ADORA1: variants seen among roughly 807,000 people sequenced by gnomAD.
ADORA1 encodes adenosine receptor A1.
ADORA1 carries 6 observed loss-of-function variants against 19.9 expected under a neutral mutation model. The ratio of observed to expected loss-of-function variants is 0.30; its 90% CI spans 0.17 to 0.59. The LOEUF (loss-of-function observed/expected upper bound fraction) is 0.59. ADORA1 is among the 20% of genes least tolerant of loss of function. The probability of loss-of-function intolerance (pLI) is 0.87; values close to 1 mark genes in which losing one functional copy is unlikely to be tolerated. For synonymous variants in ADORA1, 194 were observed against 188.4 expected (o/e 1.03, Z -0.24); for missense variants, 302 against 439.2 (o/e 0.69, Z 2.79).
At chr1:203,134,389 T>C (rs1654438524) in intron 3 of ADORA1, among the ~76,000 whole-genome samples, 1 of 152,206 alleles carries the variant, frequency 6.6e-6, no homozygotes, top group South Asian at 2.1e-4. Context: ...ATTGAGAAGA[T>C]AATTTCTCTG....
intron 3 of ADORA1, among the ~76,000 whole-genome samples, chr1:203,158,005 T>C (rs1243442928): frequency 6.6e-6 from 1 of 152,250 alleles, no homozygotes; most frequent in Admixed American, 6.5e-5. Flanking sequence ...CTGGCTTCCT[T>C]CTATCCATAT....
chr1:203,147,334 G>A (rs1170698154), intron 3 of ADORA1, among the ~76,000 whole-genome samples: 3 of 152,152 alleles, frequency 2.0e-5, no homozygotes, highest in African/African-American at 4.8e-5. Context: ...TCGTATCGGG[G>A]GAGGTGGCTA....
intron 3 of ADORA1, among the ~76,000 whole-genome samples, chr1:203,154,068 C>A (rs376138774): frequency 6.6e-6 from 1 of 152,312 alleles, no homozygotes; most frequent in East Asian, 1.9e-4. Context: ...CCTCCACCTC[C>A]CTGCTCCCAT....
intron 3 of ADORA1, among the ~76,000 whole-genome samples, chr1:203,161,543 G>A (rs17465037): frequency 0.28 from 42,692 of 151,586 alleles, 7,585 homozygotes; most frequent in Non-Finnish European, 0.4. Context: ...GATTCTGGAG[G>A]TGGGGCTCTC....
Position 203,165,217 on chromosome 1 carries a change from C to T in ADORA1, c.342-44C>T. On this transcript the variant is annotated intron_variant, in intron 3 of 3. Transcript: ENST00000337894. The surrounding 1 kb of genome is among the most constrained non-coding windows in gnomAD (Gnocchi z 5.9). ...CGTGCCTCAGAGGGGCCTTTCGAGG[C>T]AGCTGGGAGGCAGATCCTCACACTC... 1 of 1,599,302 alleles carries T rather than the reference C, an allele frequency of 6.3e-7. No individual in the cohort carries two copies. Among genetic ancestry groups the T allele is most frequent in the South Asian group, 1.1e-5 (1 of 89,338 alleles).
intron 3 of ADORA1, among the ~76,000 whole-genome samples, chr1:203,157,706 C>T (rs1655239270): frequency 6.6e-6 from 1 of 152,236 alleles, no homozygotes. Context: ...ACACTCTGTG[C>T]ACCTGCAGAA....
chr1:203,154,992 C>A (rs1394565644), intron 3 of ADORA1, among the ~76,000 whole-genome samples: 1 of 151,384 alleles, frequency 6.6e-6, no homozygotes, highest in Non-Finnish European at 1.5e-5. Context: ...TGTTCACCAT[C>A]TGATGGCATC....
intron 3 of ADORA1, among the ~76,000 whole-genome samples, chr1:203,138,911 C>T (rs781430315): frequency 5.9e-5 from 9 of 152,102 alleles, no homozygotes; most frequent in Admixed American, 1.3e-4. Flanking sequence ...CTCCGCCTCC[C>T]GGGTTCAAGT....
chr1:203,148,814 T>C (rs993224105), intron 3 of ADORA1, among the ~76,000 whole-genome samples: 1 of 152,198 alleles, frequency 6.6e-6, no homozygotes, highest in African/African-American at 2.4e-5. Context: ...CTCCCCTGGC[T>C]GCAGTGCATG....
At chr1:203,161,450 A>G (rs116044792) in intron 3 of ADORA1, among the ~76,000 whole-genome samples, 2,232 of 152,256 alleles carry the variant, frequency 0.015, 57 homozygotes, top group African/African-American at 0.051. Context: ...AATAAACTAA[A>G]TAAATAAATA....
chr1:203,159,473 G>C (rs912378443), intron 3 of ADORA1, among the ~76,000 whole-genome samples: 1 of 152,032 alleles, frequency 6.6e-6, no homozygotes, highest in Non-Finnish European at 1.5e-5. Flanking sequence ...ACCTCTCCCC[G>C]ATGGTGCCTT....
At position 203,147,344 on chromosome 1, in the gene ADORA1, A is replaced by C. The variant is rs190612025; in HGVS notation, c.342-17917A>C. On this transcript the variant is annotated intron_variant, in intron 3 of 3. Coordinates refer to ENST00000337894, the MANE Select transcript of ADORA1 (RefSeq NM_000674.3). The stretch of plus-strand genomic sequence containing the variant: ...TTTCCTCGTATCGGGGGAGGTGGCT[A>C]TCCATTAAGAGAAACTGGTCACTCT... 5.5e-4 allele frequency among the ~76,000 whole-genome samples: 83 copies of C among 152,062 alleles called. No individual in the cohort carries two copies. The Middle Eastern group carries it at 0.01, about 19-fold the overall frequency.
intron 3 of ADORA1, among the ~76,000 whole-genome samples, chr1:203,137,760 C>T (rs928661907): frequency 6.6e-6 from 1 of 152,166 alleles, no homozygotes; most frequent in South Asian, 2.1e-4. Context: ...TATACCACTA[C>T]CCCGATCAAT....
Position 203,167,171 on chromosome 1 carries a change from CCT to C in ADORA1, c.*1272_*1273del, listed in dbSNP as rs1413448738. On this transcript the variant is annotated 3_prime_UTR_variant, in exon 4 of 4. Coordinates refer to ENST00000337894, the MANE Select transcript of ADORA1 (RefSeq NM_000674.3). ...GGGCAAGGTGGGGGAGCCTGGAGCCCCTGTGTGGGAGGGCGAGGCGGGGGAGC... is the reference window on the plus strand; with the variant it reads ...GGGCAAGGTGGGGGAGCCTGGAGCCCGTGTGGGAGGGCGAGGCGGGGGAGC... 2.0e-5 allele frequency: 3 copies of C among 150,428 alleles called. No individual in the cohort carries two copies. The highest frequency in any genetic ancestry group is 7.6e-5 in the African/African-American group (3 of 39,416). The allele number at this position is 150,428 out of a possible 1,614,324, so 9.3% of individuals were successfully genotyped here.
rs371155911 is a variant in ADORA1, at chr1:203,161,805, C to A, written c.342-3456C>A. ...GGCCAGGCTGGTCTTGAACTCCCGA[C>A]CTCAGGTGATCCACCCGCCTCGGCC... is the stretch of plus-strand genomic sequence containing the variant. On this transcript the variant is annotated intron_variant, in intron 3 of 3. Transcript: ENST00000337894. Among the ~76,000 whole-genome samples the A allele has an allele frequency of 1.1e-3, 170 of 152,156 alleles. 1 individual carries two copies. Among genetic ancestry groups the A allele is most frequent in the African/African-American group, 3.7e-3 (153 of 41,506 alleles).
intron 3 of ADORA1, 21 bp downstream of exon 3, chr1:203,129,203 G>T: frequency 6.3e-7 from 1 of 1,589,412 alleles, no homozygotes; most frequent in Non-Finnish European, 8.6e-7. Context: ...AGCGCCGAAG[G>T]TACTCGCAGC....
Position 203,165,192 on chromosome 1 carries a change from C to G in ADORA1, c.342-69C>G. ...CTCTTAGAGGCCCCTGGAGGCCAGG[C>G]GTGCCTCAGAGGGGCCTTTCGAGGC... is the stretch of plus-strand genomic sequence containing the variant. On this transcript the variant is annotated intron_variant, in intron 3 of 3. Coordinates refer to ENST00000337894, the MANE Select transcript of ADORA1 (RefSeq NM_000674.3). This position sits in a 1 kb window ranked among gnomAD's most constrained non-coding sequence, Gnocchi z 5.9. 1.9e-6 allele frequency: 3 copies of G among 1,601,388 alleles called. No homozygotes were observed. The highest frequency in any genetic ancestry group is 1.1e-5 in the South Asian group (1 of 89,094).
chr1:203,158,800 C>CT (rs1161723255), intron 3 of ADORA1, among the ~76,000 whole-genome samples: 1 of 152,126 alleles, frequency 6.6e-6, no homozygotes, highest in South Asian at 2.1e-4. Flanking sequence ...TGACAAGGGC[C>CT]TTTTTTTCTG....
At chr1:203,149,060 TAG>T (rs897960863) in intron 3 of ADORA1, among the ~76,000 whole-genome samples, 1 of 152,060 alleles carries the variant, frequency 6.6e-6, no homozygotes, top group African/African-American at 2.4e-5. Context: ...GTATTTTTAG[TAG>T]AGACAGGGTT....
Sources: allele counts gnomAD v4.1 joint callset (sites outside exome capture counted in the v4.1 genomes callset), GRCh38; gene constraint gnomAD v4.1.1; non-coding constraint Gnocchi (gnomAD v3.1); transcripts MANE v1.5; gene names NCBI Gene and HGNC (gene_info 2026-07-23, HGNC 2026-07-21).